COL1A1: variants seen among roughly 807,000 people sequenced by gnomAD.
The protein encoded by COL1A1 is collagen alpha-1(I) chain.
In COL1A1, 21 loss-of-function variants were observed where a neutral mutation model predicts 195.7. The ratio of observed to expected loss-of-function variants is 0.11; its 90% CI spans 0.08 to 0.15. COL1A1 has a LOEUF of 0.15. COL1A1 is among the 10% of genes least tolerant of loss of function. The probability of loss-of-function intolerance (pLI) is 1.00; values close to 1 mark genes in which losing one functional copy is unlikely to be tolerated. For synonymous variants in COL1A1, 749 were observed against 747.3 expected (o/e 1.00, Z -0.04); for missense variants, 1,365 against 2,051.0 (o/e 0.67, Z 6.46).
At position 50,192,853 on chromosome 17, in the gene COL1A1, G is replaced by T. The variant is rs774412298; in HGVS notation, c.1822-3C>A. 2 of 1,614,110 alleles carry T rather than the reference G, an allele frequency of 1.2e-6. No homozygotes were observed. Among genetic ancestry groups the T allele is most frequent in the Non-Finnish European group, 1.7e-6 (2 of 1,180,024 alleles). On this transcript the variant is annotated splice_region_variant and splice_polypyrimidine_tract_variant and intron_variant, in intron 26 of 50. Transcript: ENST00000225964. ...TCTCCATCTTTGCCAGCAGGACCCT[G>T]CAGGGAGAGAGCAAAGGGGAACTCA...
chr17:50,188,516 G>A lies in COL1A1; in HGVS notation c.3207+14C>T, dbSNP rs1162098325. 10 of 1,612,402 alleles carry A rather than the reference G, an allele frequency of 6.2e-6. No individual in the cohort carries two copies. Among genetic ancestry groups the A allele is most frequent in the Middle Eastern group, 1.7e-4 (1 of 6,060 alleles). On this transcript the variant is annotated intron_variant, in intron 43 of 50. Coordinates refer to ENST00000225964, the MANE Select transcript of COL1A1 (RefSeq NM_000088.4). This position sits in a 1 kb window ranked among gnomAD's most constrained non-coding sequence, Gnocchi z 5.6. ...GCCTGACCAGGTACAGGGAACTGGA[G>A]CCCAGCTACTTACAGTCTCACCACG... is the stretch of plus-strand genomic sequence containing the variant.
chr17:50,192,734 G>C, intron 27 of COL1A1, 41 bp from the exon 28 acceptor site: 1 of 1,614,028 alleles, frequency 6.2e-7, no homozygotes, highest in Non-Finnish European at 8.5e-7. Flanking sequence ...AGGCCGAGGA[G>C]ACGAGGGGCT....
In COL1A1 at chr17:50,188,500, G is replaced by C. The variant is rs775550896; in HGVS notation, c.3207+30C>G. 10 of 1,596,824 alleles carry C rather than the reference G, an allele frequency of 6.3e-6. No individual in the cohort carries two copies. The highest frequency in any genetic ancestry group is 1.3e-5 in the African/African-American group (1 of 74,688). On this transcript the variant is annotated intron_variant, in intron 43 of 50. Coordinates refer to ENST00000225964, the MANE Select transcript of COL1A1 (RefSeq NM_000088.4). The surrounding 1 kb of genome is among the most constrained non-coding windows in gnomAD (Gnocchi z 5.6). Reference sequence around the variant, plus strand: ...GCCTGAAGAGTCCCTGGCCTGACCAGGTACAGGGAACTGGAGCCCAGCTAC... The same window carrying C: ...GCCTGAAGAGTCCCTGGCCTGACCACGTACAGGGAACTGGAGCCCAGCTAC...
Position 50,199,148 on chromosome 17 carries a change from A to G in COL1A1, c.471+78T>C, listed in dbSNP as rs1907838559. 7 of 1,409,218 alleles carry G rather than the reference A, an allele frequency of 5.0e-6. No homozygotes were observed. In the South Asian group the frequency reaches 1.2e-4, roughly 24 times the overall value. The allele number at this position is 1,409,218 out of a possible 1,614,324, so 87.3% of individuals were successfully genotyped here. ...TTTTCTGTAAGTTTGAAATTATTTC[A>G]AAGTATAAAATTATGTCATCTGCCA... is the stretch of plus-strand genomic sequence containing the variant. On this transcript the variant is annotated intron_variant, in intron 5 of 50. Transcript: ENST00000225964.
chr17:50,200,688 A>G (rs2144597538), intron 1 of COL1A1, among the ~76,000 whole-genome samples: 1 of 152,302 alleles, frequency 6.6e-6, no homozygotes, highest in East Asian at 1.9e-4. Flanking sequence ...GGGCAACGCT[A>G]AGCAATGGGG....
chr17:50,190,908 T>G lies in COL1A1; in HGVS notation c.2252A>C (p.Lys751Thr). The change falls in exon 33 of 51, where the codon AAA (lysine) becomes ACA (threonine). Residue 751 changes from lysine (K) to threonine (T), a missense_variant. Coordinates refer to ENST00000225964, the MANE Select transcript of COL1A1 (RefSeq NM_000088.4). This position sits in a 1 kb window ranked among gnomAD's most constrained non-coding sequence, Gnocchi z 4.7. ...PKGDRGDAGP[K>T]GADGSPGKDG... ...TTTGCCAGGAGAGCCATCAGCACCT[T>G]TGGGACCAGCATCACCCTAAAGACA... The G allele has an allele frequency of 6.2e-7, 1 of 1,614,002 alleles. No individual in the cohort carries two copies. The highest frequency in any genetic ancestry group is 1.3e-5 in the African/African-American group (1 of 74,978).
At chr17:50,196,880 C>G in intron 11 of COL1A1, 130 bp downstream of exon 11, 4 of 1,189,518 alleles carry the variant, frequency 3.4e-6, no homozygotes, top group Non-Finnish European at 5.0e-6. Flanking sequence ...GATGTCCACT[C>G]TCTGTCCCTT....
chr17:50,188,747 C>T lies in COL1A1; in HGVS notation c.3094G>A (p.Ala1032Thr), dbSNP rs374095521. ...GSPGRDGSPG[A>T]KGDRGETGPA... ...ATGGAGTGTTGCCATCTTACCTTGG[C>T]GCCAGGAGAACCGTCTCGTCCAGGG... Residue 1032 changes from alanine (A) to threonine (T), a missense_variant, in exon 42 of 51, where the codon GCC (alanine) becomes ACC (threonine). By Grantham distance (58) the Ala-to-Thr change is moderately conservative. Around this residue, in one of 5 missense-constraint regions of COL1A1, gnomAD observed 671 missense variants for 1,099.9 expected, o/e 0.61. Transcript: ENST00000225964. This position sits in a 1 kb window ranked among gnomAD's most constrained non-coding sequence, Gnocchi z 5.6. 19 of 1,613,952 alleles carry T rather than the reference C, an allele frequency of 1.2e-5. No individual in the cohort carries two copies. Among genetic ancestry groups the T allele is most frequent in the Admixed American group, 5.0e-5 (3 of 59,998 alleles).
At chr17:50,187,384 C>G in intron 46 of COL1A1, 100 bp downstream of exon 46, 2 of 1,242,440 alleles carry the variant, frequency 1.6e-6, no homozygotes, top group Non-Finnish European at 2.3e-6. Context: ...TCCCTGAACC[C>G]TTCTCCAGAG....
chr17:50,200,957 C>T (rs1908034983), intron 1 of COL1A1, among the ~76,000 whole-genome samples: 1 of 152,222 alleles, frequency 6.6e-6, no homozygotes. Flanking sequence ...CGCTCCGCAC[C>T]CCCTCCGCGG....
At chr17:50,199,167 T>C in intron 5 of COL1A1, 59 bp downstream of exon 5, 5 of 1,428,414 alleles carry the variant, frequency 3.5e-6, no homozygotes, top group Non-Finnish European at 4.6e-6. Flanking sequence ...AATTATGTCA[T>C]CTGCCAAAAA....
intron 31 of COL1A1, 86 bp from the exon 32 acceptor site, chr17:50,191,576 C>T (rs1907080905): frequency 7.4e-7 from 1 of 1,358,552 alleles, no homozygotes; most frequent in Non-Finnish European, 1.0e-6. Context: ...ATCTCCCAGG[C>T]TTGTTTCCAA....
At position 50,186,628 on chromosome 17, in the gene COL1A1, G is replaced by T; in HGVS notation, c.3814+12C>A. The T allele has an allele frequency of 6.2e-7, 1 of 1,613,408 alleles. No individual in the cohort carries two copies. Among genetic ancestry groups the T allele is most frequent in the Non-Finnish European group, 8.5e-7 (1 of 1,180,006 alleles). On this transcript the variant is annotated intron_variant, in intron 48 of 50. Transcript: ENST00000225964. This position sits in a 1 kb window ranked among gnomAD's most constrained non-coding sequence, Gnocchi z 5.3. ...GAGTAGGAGGGAGGGAGAGGCTAGG[G>T]CAGGCCCTCACCACTCTTCCAGTCA...
rs775055638 is a variant in COL1A1 at position 50,191,843 on chromosome 17, G to A, written c.2072C>T (p.Pro691Leu). ...FPGERGVQGPPGPAGPRGANG... is the reference protein window; with the variant it reads ...FPGERGVQGPLGPAGPRGANG... ...GGCCCCTCGGGGACCAGCAGGACCA[G>A]GGGGACCTTGCACACCACGCTCGCC... The change falls in exon 31 of 51, where the codon CCT becomes CTT. Residue 691 changes from proline to leucine, a missense_variant. Physicochemically the swap from Pro to Leu is moderately conservative, Grantham distance 98. Coordinates refer to ENST00000225964, the MANE Select transcript of COL1A1 (RefSeq NM_000088.4). The A allele has an allele frequency of 7.5e-6, 12 of 1,603,404 alleles. No individual in the cohort carries two copies. The highest frequency in any genetic ancestry group is 1.0e-5 in the Non-Finnish European group (12 of 1,174,672).
chr17:50,186,446 G>A lies in COL1A1; in HGVS notation c.3876C>T (p.Asn1292=), dbSNP rs143049736. The stretch of plus-strand genomic sequence containing the variant: ...ACACGCAGGTCTCACCAGTCTCCAT[G>A]TTGCAGAAGACTTTGATGGCATCCA... ...CNLDAIKVFC[N]METGETCVYP... The change falls in exon 49 of 51, where the codon AAC becomes AAT. Residue 1292 remains asparagine, a synonymous_variant. Coordinates refer to ENST00000225964, the MANE Select transcript of COL1A1 (RefSeq NM_000088.4). The surrounding 1 kb of genome is among the most constrained non-coding windows in gnomAD (Gnocchi z 5.3). 72 of 1,614,222 alleles carry A rather than the reference G, an allele frequency of 4.5e-5. No individual in the cohort carries two copies. In the African/African-American group the frequency reaches 9.3e-4, roughly 21 times the overall value.
rs2144576766 is a variant in COL1A1, at chr17:50,195,447, G to A, written c.1187C>T (p.Ala396Val). The A allele has an allele frequency of 6.2e-7, 1 of 1,614,154 alleles. No homozygotes were observed. Among genetic ancestry groups the A allele is most frequent in the Non-Finnish European group, 8.5e-7 (1 of 1,180,008 alleles). Reference protein sequence around the residue: ...GNPGADGQPGAKGANGAPGIA... With the variant: ...GNPGADGQPGVKGANGAPGIA... Reference sequence around the variant, plus strand: ...CAGGATACTTACATTGGCACCTTTAGCACCAGGCTGTCCATCAGCACCAGG... The same window carrying A: ...CAGGATACTTACATTGGCACCTTTAACACCAGGCTGTCCATCAGCACCAGG... The change falls in exon 18 of 51, where the codon GCT (alanine) becomes GTT (valine). Residue 396 changes from alanine (A) to valine (V), a missense_variant. By Grantham distance (64) the Ala-to-Val change is moderately conservative. Around this residue, in one of 5 missense-constraint regions of COL1A1, gnomAD observed 226 missense variants for 372.9 expected, o/e 0.61. Coordinates refer to ENST00000225964, the MANE Select transcript of COL1A1 (RefSeq NM_000088.4). The surrounding 1 kb of genome is among the most constrained non-coding windows in gnomAD (Gnocchi z 4.3).
At position 50,188,077 on chromosome 17, in the gene COL1A1, G is replaced by A; in HGVS notation, c.3261+19C>T. On this transcript the variant is annotated intron_variant, in intron 44 of 50. Coordinates refer to ENST00000225964, the MANE Select transcript of COL1A1 (RefSeq NM_000088.4). The surrounding 1 kb of genome is among the most constrained non-coding windows in gnomAD (Gnocchi z 5.6). ...TCTGTAGAGTTCTAAAGGCATGGGG[G>A]ACACAGCAGGGTACTTACGGCGGGG... 1 of 1,612,690 alleles carries A rather than the reference G, an allele frequency of 6.2e-7. No individual in the cohort carries two copies. Among genetic ancestry groups the A allele is most frequent in the South Asian group, 1.1e-5 (1 of 90,826 alleles).
Position 50,190,709 on chromosome 17 carries a change from G to T in COL1A1, c.2343+108C>A. On this transcript the variant is annotated intron_variant, in intron 33 of 50. Coordinates refer to ENST00000225964, the MANE Select transcript of COL1A1 (RefSeq NM_000088.4). This position sits in a 1 kb window ranked among gnomAD's most constrained non-coding sequence, Gnocchi z 4.7. ...GTCCCTCCAGGTTCCCAGGTTGACA[G>T]CTCAGTTTGGCAGGACCTGCTCTCC... is the stretch of plus-strand genomic sequence containing the variant. 1 of 1,486,210 alleles carries T rather than the reference G, an allele frequency of 6.7e-7. No homozygotes were observed. The highest frequency in any genetic ancestry group is 9.3e-7 in the Non-Finnish European group (1 of 1,069,592). The allele number at this position is 1,486,210 out of a possible 1,614,324, so 92.1% of individuals were successfully genotyped here.
In COL1A1 at chr17:50,201,359, G is replaced by C; in HGVS notation, c.103+52C>G. On this transcript the variant is annotated intron_variant, in intron 1 of 50. Transcript: ENST00000225964. ...TTTAAGCCGCGGCCCCCGGGACCAAGCGCAAGGCGCGATATAGAGTATCCT... is the reference window on the plus strand; with the variant it reads ...TTTAAGCCGCGGCCCCCGGGACCAACCGCAAGGCGCGATATAGAGTATCCT... The C allele has an allele frequency of 1.9e-6, 3 of 1,569,180 alleles. No homozygotes were observed. In the South Asian group the frequency reaches 3.4e-5, roughly 18 times the overall value.
Sources: gnomAD v4.1 joint callset for allele counts (sites outside exome capture counted in the v4.1 genomes callset) on GRCh38, gnomAD v4.1.1 for gene constraint, gnomAD v4.1.1 regional missense constraint, Gnocchi (gnomAD v3.1) non-coding constraint, MANE v1.5 for transcripts, NCBI Gene and HGNC (gene_info 2026-07-23, HGNC 2026-07-21) for gene names.